The following LRRC37A2 variants were observed in gnomAD, a reference collection of about 807,000 sequenced individuals.
The protein encoded by LRRC37A2 is leucine-rich repeat-containing protein 37A2.
LRRC37A2 carries 9 observed loss-of-function variants against 68.8 expected under a neutral mutation model. That is an observed-to-expected ratio of 0.13 (90% confidence interval 0.08 to 0.23). The LOEUF (loss-of-function observed/expected upper bound fraction) is 0.23. Among genes scored for constraint, LRRC37A2 ranks in the 10% least tolerant of loss-of-function variants. The pLI, the probability that LRRC37A2 is intolerant of heterozygous loss-of-function variation, is 1.00. For synonymous variants in LRRC37A2, 63 were observed against 367.6 expected (o/e 0.17, Z 9.48); for missense variants, 168 against 950.4 (o/e 0.18, Z 10.82).
the LRRC37A2 span, among the ~76,000 whole-genome samples, chr17:46,887,267 TA>T: frequency 6.6e-6 from 1 of 152,102 alleles, no homozygotes; most frequent in African/African-American, 2.4e-5. Context: ...AAATTAAGCC[TA>T]AAAAATTGAA....
chr17:47,013,129 T>C, the LRRC37A2 span, among the ~76,000 whole-genome samples: 1 of 152,320 alleles, frequency 6.6e-6, no homozygotes, highest in African/African-American at 2.4e-5. Context: ...TGTAACTCCA[T>C]GTATATGAAA....
the LRRC37A2 span, among the ~76,000 whole-genome samples, chr17:46,918,998 T>C: frequency 6.6e-6 from 1 of 152,180 alleles, no homozygotes; most frequent in South Asian, 2.1e-4. Flanking sequence ...TGTTCCCTCC[T>C]TGTCATCCCA....
chr17:46,877,639 C>T, the LRRC37A2 span, among the ~76,000 whole-genome samples: 285 of 152,276 alleles, frequency 1.9e-3, no homozygotes, highest in African/African-American at 6.4e-3. Context: ...AGTGACGTGG[C>T]GAGCTCAGTT....
the LRRC37A2 span, among the ~76,000 whole-genome samples, chr17:46,906,593 A>C: frequency 6.6e-6 from 1 of 152,014 alleles, no homozygotes; most frequent in Non-Finnish European, 1.5e-5. Flanking sequence ...CAGCTAATTT[A>C]ATTTTATTTA....
chr17:46,827,938 T>C, the LRRC37A2 span, among the ~76,000 whole-genome samples: 4 of 151,766 alleles, frequency 2.6e-5, no homozygotes, highest in East Asian at 7.8e-4. Flanking sequence ...GCCTCCCAAG[T>C]AGCTGGGACT....
the LRRC37A2 span, among the ~76,000 whole-genome samples, chr17:46,743,291 C>A: frequency 2.6e-5 from 4 of 152,138 alleles, no homozygotes; most frequent in Admixed American, 1.3e-4. Context: ...CTGACCTAAC[C>A]GTATGGATTC....
chr17:47,037,879 G>C, the LRRC37A2 span, among the ~76,000 whole-genome samples: 2 of 152,120 alleles, frequency 1.3e-5, no homozygotes, highest in African/African-American at 4.8e-5. Context: ...CTGGTAATGT[G>C]TCTTTCATCC....
chr17:46,785,183 T>C, the LRRC37A2 span, among the ~76,000 whole-genome samples: 1 of 152,182 alleles, frequency 6.6e-6, no homozygotes, highest in Non-Finnish European at 1.5e-5. Flanking sequence ...GCCCTAACCA[T>C]GCTCCTGTTA....
chr17:47,018,687 G>A, the LRRC37A2 span: 4 of 1,520,354 alleles, frequency 2.6e-6, no homozygotes, highest in Admixed American at 5.0e-5. Flanking sequence ...GCAGGAGGCT[G>A]CAGCTGAGCA....
At chr17:47,028,605 G>A in the LRRC37A2 span, among the ~76,000 whole-genome samples, 1 of 152,146 alleles carries the variant, frequency 6.6e-6, no homozygotes, top group African/African-American at 2.4e-5. Flanking sequence ...CATCAAAGAG[G>A]TGACCCTCAA....
the LRRC37A2 span, among the ~76,000 whole-genome samples, chr17:47,020,881 T>C: frequency 6.6e-6 from 1 of 150,864 alleles, no homozygotes; most frequent in Non-Finnish European, 1.5e-5. Context: ...TGCAGACCAT[T>C]GGTGCTAGAA....
chr17:46,863,481 C>A, the LRRC37A2 span, among the ~76,000 whole-genome samples: 3 of 152,042 alleles, frequency 2.0e-5, no homozygotes, highest in South Asian at 4.1e-4. Flanking sequence ...GTCTGCCATG[C>A]GGAACTGATG....
the LRRC37A2 span, among the ~76,000 whole-genome samples, chr17:46,860,450 G>C: frequency 6.6e-6 from 1 of 152,094 alleles, no homozygotes; most frequent in African/African-American, 2.4e-5. Context: ...CACTGGGCTT[G>C]GGGTCACACA....
chr17:46,779,389 C>T, the LRRC37A2 span, among the ~76,000 whole-genome samples: 4 of 152,254 alleles, frequency 2.6e-5, no homozygotes, highest in East Asian at 1.9e-4. Flanking sequence ...GCCAGGCCTT[C>T]GCAGCTGGGC....
chr17:46,458,355 T>A, the LRRC37A2 span, among the ~76,000 whole-genome samples: 1 of 109,712 alleles, frequency 9.1e-6, no homozygotes, highest in Admixed American at 8.8e-5. Flanking sequence ...AGAACATGAG[T>A]CCTTGAATCC....
the LRRC37A2 span, among the ~76,000 whole-genome samples, chr17:46,377,871 T>C: frequency 1.3e-5 from 1 of 78,396 alleles, no homozygotes; most frequent in Admixed American, 1.2e-4. Flanking sequence ...ACTGACCTCA[T>C]TGGATCTTTT....
chr17:46,818,481 G>C, the LRRC37A2 span: 7 of 1,577,506 alleles, frequency 4.4e-6, no homozygotes, highest in African/African-American at 8.1e-5. Context: ...ACGCGGCGGA[G>C]AAACCGGGCC....
At chr17:46,873,429 G>A in the LRRC37A2 span, among the ~76,000 whole-genome samples, 1 of 152,074 alleles carries the variant, frequency 6.6e-6, no homozygotes, top group African/African-American at 2.4e-5. Flanking sequence ...GGAGAACACA[G>A]GTCACCATGT....
At chr17:46,740,079 T>C in the LRRC37A2 span, among the ~76,000 whole-genome samples, 1 of 152,220 alleles carries the variant, frequency 6.6e-6, no homozygotes, top group Non-Finnish European at 1.5e-5. Context: ...TGTCCTTGCC[T>C]GTCAGTTTTA....
Sources: gnomAD v4.1 joint callset for allele counts (sites outside exome capture counted in the v4.1 genomes callset) on GRCh38, gnomAD v4.1.1 for gene constraint, MANE v1.5 for transcripts, NCBI Gene and HGNC (gene_info 2026-07-23, HGNC 2026-07-21) for gene names.